Variants in SEL1L observed in about 807,000 individuals in gnomAD.
The protein encoded by SEL1L is protein sel-1 homolog 1.
A neutral mutation model predicts 109.8 loss-of-function variants in SEL1L; 52 were observed. The observed-to-expected ratio is 0.47, with a 90% confidence interval of 0.38 to 0.60. The LOEUF is 0.60. Among genes scored for constraint, SEL1L ranks in the 20% least tolerant of loss-of-function variants. The probability of loss-of-function intolerance (pLI) is 0.00; values close to 1 mark genes in which losing one functional copy is unlikely to be tolerated. For missense variants in SEL1L, 749 were observed against 962.2 expected (o/e 0.78, Z 2.93); for synonymous variants, 373 against 339.6 (o/e 1.10, Z -1.08).
intron 6 of SEL1L, 53 bp from the exon 7 acceptor site, chr14:81,499,715 G>T: frequency 7.7e-7 from 1 of 1,294,506 alleles, no homozygotes; most frequent in Non-Finnish European, 1.1e-6. Flanking sequence ...GTTTATCCAA[G>T]ACAGACACAG....
chr14:81,513,278 C>G (rs1271054838), intron 3 of SEL1L, among the ~76,000 whole-genome samples: 1 of 152,182 alleles, frequency 6.6e-6, no homozygotes, highest in African/African-American at 2.4e-5. Context: ...GTGGCAACCC[C>G]CTCGGGTCCC....
At chr14:81,497,040 G>A (rs1284498283) in intron 10 of SEL1L, among the ~76,000 whole-genome samples, 1 of 152,098 alleles carries the variant, frequency 6.6e-6, no homozygotes, top group Non-Finnish European at 1.5e-5. Flanking sequence ...CAAGAAAGGA[G>A]AGAAGAGTAA....
Position 81,484,137 on chromosome 14 carries a change from G to A in SEL1L, c.2046+88C>T, listed in dbSNP as rs1903446328. 3.7e-6 allele frequency: 5 copies of A among 1,369,054 alleles called. No individual in the cohort carries two copies. In the Admixed American group the frequency reaches 5.8e-5, roughly 16 times the overall value. 84.8% of individuals were successfully genotyped at this position (1,369,054 alleles called of 1,614,324 possible). On this transcript the variant is annotated intron_variant, in intron 19 of 20. Transcript: ENST00000336735. ...TTAGTGGCCTGAAATCCAACTGAAT[G>A]TCAAGGAAAGTCTATTTTCTATACA... is the stretch of plus-strand genomic sequence containing the variant.
chr14:81,481,798 C>T (rs771452588), intron 19 of SEL1L, among the ~76,000 whole-genome samples: 4 of 151,918 alleles, frequency 2.6e-5, no homozygotes, highest in Non-Finnish European at 2.9e-5. Flanking sequence ...TTTGGGAGAC[C>T]GAGGCAGGTG....
chr14:81,488,041 AT>A lies in SEL1L; in HGVS notation c.1396-100del, dbSNP rs201342484. The stretch of plus-strand genomic sequence containing the variant: ...AAAAATGAACAAAGCATATAAAAAA[AT>A]ATTCCCAAAGAGCCATTAAAAAGAC... On this transcript the variant is annotated intron_variant, in intron 14 of 20. Transcript: ENST00000336735. 8.4e-3 allele frequency: 7,624 copies of A among 907,948 alleles called. 376 individuals are homozygous for A. The African/African-American group carries it at 0.11, about 13-fold the overall frequency. 56.2% of individuals were successfully genotyped at this position (907,948 alleles called of 1,614,324 possible).
chr14:81,509,373 C>T (rs999819504), intron 3 of SEL1L, among the ~76,000 whole-genome samples: 2 of 152,114 alleles, frequency 1.3e-5, no homozygotes, highest in Admixed American at 6.5e-5. Flanking sequence ...TTTAAATTAG[C>T]GATAACCAGT....
chr14:81,510,766 A>G (rs1218137674), intron 3 of SEL1L, among the ~76,000 whole-genome samples: 1 of 152,170 alleles, frequency 6.6e-6, no homozygotes, highest in African/African-American at 2.4e-5. Flanking sequence ...AGTACTAAGT[A>G]GCATATGAAT....
At chr14:81,483,556 T>C (rs1903424672) in intron 19 of SEL1L, among the ~76,000 whole-genome samples, 1 of 152,208 alleles carries the variant, frequency 6.6e-6, no homozygotes, top group South Asian at 2.1e-4. Context: ...GGAAAAGACC[T>C]AGCTTTCAAT....
At chr14:81,492,410 G>T in intron 12 of SEL1L, 70 bp downstream of exon 12, 2 of 1,106,396 alleles carry the variant, frequency 1.8e-6, no homozygotes, top group Non-Finnish European at 2.7e-6. Flanking sequence ...TGTAGATCCT[G>T]AACACAATAC....
At chr14:81,505,720 TA>T (rs1884214341) in intron 4 of SEL1L, among the ~76,000 whole-genome samples, 1 of 152,262 alleles carries the variant, frequency 6.6e-6, no homozygotes, top group South Asian at 2.1e-4. Context: ...AAAAGTTATT[TA>T]TTTTTCTTCT....
chr14:81,492,153 G>T (rs574767181), intron 12 of SEL1L, among the ~76,000 whole-genome samples: 1 of 151,864 alleles, frequency 6.6e-6, no homozygotes, highest in Non-Finnish European at 1.5e-5. Flanking sequence ...CACCACACCC[G>T]GCTAATTTTT....
At chr14:81,506,366 G>T in intron 3 of SEL1L, 125 bp from the exon 4 acceptor site, 1 of 783,740 alleles carries the variant, frequency 1.3e-6, no homozygotes, top group Non-Finnish European at 2.0e-6. Flanking sequence ...TTGTAACTGG[G>T]AACATAAAAG....
chr14:81,479,933 T>G (rs999358159), intron 19 of SEL1L, among the ~76,000 whole-genome samples, 193 bp from the exon 20 acceptor site: 1 of 152,212 alleles, frequency 6.6e-6, no homozygotes, highest in African/African-American at 2.4e-5. Context: ...ATTGAAAAAC[T>G]TAATTAAAAA....
intron 3 of SEL1L, 152 bp downstream of exon 3, chr14:81,526,581 A>C (rs929661246): frequency 3.1e-6 from 2 of 638,048 alleles, no homozygotes; most frequent in Admixed American, 3.2e-5. Context: ...TTGGTATATT[A>C]AAATCTAGAA....
At chr14:81,525,804 G>GTTTTAGGTCACAGTT (rs1396288021) in intron 3 of SEL1L, among the ~76,000 whole-genome samples, 14 of 152,126 alleles carry the variant, frequency 9.2e-5, no homozygotes, top group African/African-American at 1.4e-4. Context: ...AACATTCATG[G>GTTTTAGGTCACAGTT]TAAACTGTTA....
chr14:81,518,272 A>G (rs912415362), intron 3 of SEL1L, among the ~76,000 whole-genome samples: 3 of 151,682 alleles, frequency 2.0e-5, no homozygotes, highest in African/African-American at 4.9e-5. Context: ...TCCACTTACT[A>G]GGCCACAGTT....
At position 81,506,109 on chromosome 14, in the gene SEL1L, T is replaced by A; in HGVS notation, c.473A>T (p.Asp158Val). Residue 158 changes from aspartate to valine, a missense_variant, in exon 4 of 21, where the codon GAC becomes GTC. Coordinates refer to ENST00000336735, the MANE Select transcript of SEL1L (RefSeq NM_005065.6). ...DGRLWCATTYDYKADEKWGFC... is the reference protein window; with the variant it reads ...DGRLWCATTYVYKADEKWGFC... ...GCCCCACTTTTCATCTGCTTTGTAG[T>A]CATAGGTTGTAGCACACCACAGTCT... 1 of 1,613,972 alleles carries A rather than the reference T, an allele frequency of 6.2e-7. No individual in the cohort carries two copies. The highest frequency in any genetic ancestry group is 2.2e-5 in the East Asian group (1 of 44,876).
chr14:81,520,766 A>G (rs920198915), intron 3 of SEL1L, among the ~76,000 whole-genome samples: 28 of 152,344 alleles, frequency 1.8e-4, no homozygotes, highest in African/African-American at 6.5e-4. Flanking sequence ...ATCTGTCTAC[A>G]TTGCTCATTA....
rs774422419 is a variant in SEL1L at position 81,484,272 on chromosome 14, T to A, written c.1999A>T (p.Met667Leu). The change falls in exon 19 of 21, where the codon ATG (methionine) becomes TTG (leucine). Residue 667 changes from methionine to leucine, a missense_variant. Met to Leu is a conservative substitution (Grantham distance 15). Coordinates refer to ENST00000336735, the MANE Select transcript of SEL1L (RefSeq NM_005065.6). Reference protein sequence around the residue: ...ASEQQHSAQAMFNLGYMHEKG... With the variant: ...ASEQQHSAQALFNLGYMHEKG... ...TCATGCATATATCCCAGATTAAACA[T>A]AGCTTGTGCACTGTGTTGCTGCTCA... 1.2e-6 allele frequency: 2 copies of A among 1,614,062 alleles called. No homozygotes were observed. Among genetic ancestry groups the A allele is most frequent in the Non-Finnish European group, 1.7e-6 (2 of 1,179,914 alleles).
Sources: gnomAD v4.1 joint callset for allele counts (sites outside exome capture counted in the v4.1 genomes callset) on GRCh38, gnomAD v4.1.1 for gene constraint, MANE v1.5 for transcripts, NCBI Gene and HGNC (gene_info 2026-07-23, HGNC 2026-07-21) for gene names.